Variants in SMYD3 observed in about 807,000 individuals in gnomAD.
The protein encoded by SMYD3 is histone-lysine N-methyltransferase SMYD3.
Under a neutral mutation model 57.7 loss-of-function variants are expected in SMYD3, and 36 were observed. That is an observed-to-expected ratio of 0.62 (90% CI 0.48 to 0.82). The LOEUF is 0.82. Ranked by LOEUF, SMYD3 falls within the 40% of genes least tolerant of loss-of-function variation. The pLI is 0.00. For missense variants in SMYD3, 515 were observed against 538.8 expected, an observed-to-expected ratio of 0.96 and a Z score of 0.44; for synonymous variants, 211 against 195.0, an observed-to-expected ratio of 1.08 and a Z score of -0.68.
In SMYD3 at chr1:246,330,544, A is replaced by C; in HGVS notation, c.337-7T>G. 1 of 1,590,194 alleles carries C rather than the reference A, an allele frequency of 6.3e-7. No individual in the cohort carries two copies. The highest frequency in any genetic ancestry group is 8.5e-7 in the Non-Finnish European group (1 of 1,170,856). ...CTGAAGGTGCTCCATCCATCTGTGAAGGAAAAGGGGAAAACGCCAATAACA... is the reference window on the plus strand; with the variant it reads ...CTGAAGGTGCTCCATCCATCTGTGACGGAAAAGGGGAAAACGCCAATAACA... On this transcript the variant is annotated splice_polypyrimidine_tract_variant and splice_region_variant and intron_variant, in intron 3 of 11. Transcript: ENST00000490107.
chr1:246,003,355 A>G (rs1371224002), intron 5 of SMYD3, among the ~76,000 whole-genome samples: 2 of 152,220 alleles, frequency 1.3e-5, no homozygotes, highest in Admixed American at 1.3e-4. Flanking sequence ...GGGACTTATC[A>G]TGACCTAATC....
intron 5 of SMYD3, among the ~76,000 whole-genome samples, chr1:245,999,054 C>T (rs1572867013): frequency 6.6e-6 from 1 of 152,012 alleles, no homozygotes. Context: ...TAAGGAAAAA[C>T]TTAGAAATAG....
chr1:245,807,424 G>A (rs1314574168), intron 10 of SMYD3, among the ~76,000 whole-genome samples: 4 of 152,100 alleles, frequency 2.6e-5, no homozygotes, highest in Admixed American at 1.3e-4. Context: ...AGGGTCCACC[G>A]AAGTCAGCCT....
chr1:245,881,786 C>T (rs575634216), intron 8 of SMYD3, among the ~76,000 whole-genome samples: 147 of 152,226 alleles, frequency 9.7e-4, no homozygotes, highest in Middle Eastern at 3.4e-3. Flanking sequence ...AGGATCTCTC[C>T]CCAAGGAGGT....
At chr1:246,340,995 G>GA (rs397863558) in intron 2 of SMYD3, among the ~76,000 whole-genome samples, 3,877 of 146,548 alleles carry the variant, frequency 0.026, 64 homozygotes, top group African/African-American at 0.034. Context: ...GTCTCAGGGG[G>GA]AAAAAAAAAA....
chr1:246,473,715 C>T (rs897291579), intron 1 of SMYD3, among the ~76,000 whole-genome samples: 11 of 152,128 alleles, frequency 7.2e-5, no homozygotes, highest in African/African-American at 2.4e-4. Flanking sequence ...AGAGAAGAGG[C>T]GGAACACATA....
intron 5 of SMYD3, among the ~76,000 whole-genome samples, chr1:246,250,973 G>A (rs1381846543): frequency 6.6e-6 from 1 of 152,168 alleles, no homozygotes; most frequent in Non-Finnish European, 1.5e-5. Flanking sequence ...TGTAATTTTT[G>A]TGGGTACATA....
chr1:246,046,940 TAAC>T (rs1216863839), intron 5 of SMYD3, among the ~76,000 whole-genome samples: 3 of 151,858 alleles, frequency 2.0e-5, no homozygotes, highest in Non-Finnish European at 4.4e-5. Flanking sequence ...AGTATAAATT[TAAC>T]AACAAAATAT....
intron 5 of SMYD3, among the ~76,000 whole-genome samples, chr1:246,130,134 T>C (rs1218258364): frequency 2.6e-5 from 4 of 152,192 alleles, no homozygotes; most frequent in Admixed American, 6.5e-5. Flanking sequence ...AAAACTTATA[T>C]GTTCAATTTT....
At chr1:246,335,817 G>A (rs753018430) in intron 2 of SMYD3, among the ~76,000 whole-genome samples, 9 of 152,088 alleles carry the variant, frequency 5.9e-5, no homozygotes, top group Non-Finnish European at 8.8e-5. Context: ...TTCAACAATA[G>A]TCATTTTGAA....
rs536175495 is a variant in SMYD3 at position 245,880,160 on chromosome 1, A to G, written c.814-16274T>C. 1.7e-4 allele frequency among the ~76,000 whole-genome samples: 26 copies of G among 152,362 alleles called. No homozygotes were observed. The South Asian group carries it at 5.0e-3, about 29-fold the overall frequency. ...TGCCATGCACACCGCTGCTGTCTCT[A>G]GTGAATGCTGTTCTTGCAGCTGCAG... On this transcript the variant is annotated intron_variant, in intron 8 of 11. Coordinates refer to ENST00000490107, the MANE Select transcript of SMYD3 (RefSeq NM_001167740.2).
intron 5 of SMYD3, among the ~76,000 whole-genome samples, chr1:246,307,528 T>C (rs1295828635): frequency 1.3e-5 from 2 of 148,288 alleles, no homozygotes; most frequent in Non-Finnish European, 3.0e-5. Flanking sequence ...CACGCCATTC[T>C]CCTGCCTCAG....
In SMYD3 at chr1:246,473,793, A is replaced by C. The variant is rs542882725; in HGVS notation, c.164+33261T>G. Among the ~76,000 whole-genome samples, 4 of 152,310 alleles carry C rather than the reference A, an allele frequency of 2.6e-5. No homozygotes were observed. The East Asian group carries it at 7.7e-4, about 29-fold the overall frequency. On this transcript the variant is annotated intron_variant, in intron 1 of 11. Coordinates refer to ENST00000490107, the MANE Select transcript of SMYD3 (RefSeq NM_001167740.2). ...ACCACTCCTCCATGACTTAAGTTTT[A>C]AAGAGGTATGCTCTGCCCCTCAGGG...
intron 2 of SMYD3, 27 bp from the exon 3 acceptor site, chr1:246,335,501 T>A (rs1257611816): frequency 2.5e-6 from 4 of 1,587,638 alleles, no homozygotes; most frequent in Non-Finnish European, 3.5e-6. Context: ...GGGGAGAACA[T>A]AGGTGACCTA....
intron 5 of SMYD3, among the ~76,000 whole-genome samples, chr1:246,225,544 TGA>T (rs1167268505): frequency 6.6e-6 from 1 of 151,998 alleles, no homozygotes; most frequent in Non-Finnish European, 1.5e-5. Flanking sequence ...CACAAGTGTG[TGA>T]GAGAGCTAGA....
At chr1:245,910,171 G>A (rs1243962439) in intron 8 of SMYD3, among the ~76,000 whole-genome samples, 2 of 151,910 alleles carry the variant, frequency 1.3e-5, no homozygotes, top group Admixed American at 6.6e-5. Context: ...GCAAACATCT[G>A]AAAACAAATA....
chr1:246,009,844 C>A (rs958304706), intron 5 of SMYD3, among the ~76,000 whole-genome samples: 9 of 118,760 alleles, frequency 7.6e-5, no homozygotes, highest in Non-Finnish European at 1.3e-4. Context: ...GAGTCTTGCT[C>A]TGTTGCCCAG....
intron 5 of SMYD3, among the ~76,000 whole-genome samples, chr1:246,262,427 A>G (rs2064029271): frequency 6.6e-6 from 1 of 152,226 alleles, no homozygotes; most frequent in South Asian, 2.1e-4. Context: ...ACATATTCCC[A>G]TATCTTAACT....
At chr1:245,796,692 C>T (rs1008290326) in intron 10 of SMYD3, among the ~76,000 whole-genome samples, 25 of 152,184 alleles carry the variant, frequency 1.6e-4, no homozygotes, top group African/African-American at 6.0e-4. Context: ...GCACAAAACT[C>T]TTGCATATTC....
Sources: allele counts gnomAD v4.1 joint callset (sites outside exome capture counted in the v4.1 genomes callset), GRCh38; gene constraint gnomAD v4.1.1; transcripts MANE v1.5; gene names NCBI Gene and HGNC (gene_info 2026-07-23, HGNC 2026-07-21).